ARHGAP18: variants seen among roughly 807,000 people sequenced by gnomAD.
ARHGAP18 encodes Rho GTPase activating protein 18, also known as rho GTPase-activating protein 18.
A neutral mutation model predicts 86.2 loss-of-function variants in ARHGAP18; 67 were observed. That is an observed-to-expected ratio of 0.78 (90% CI 0.64 to 0.95). ARHGAP18 has a LOEUF of 0.95. Among genes scored for constraint, ARHGAP18 ranks in the 40% least tolerant of loss-of-function variants. The pLI is 0.00. For missense variants in ARHGAP18, 691 were observed against 780.4 expected (o/e 0.89, Z 1.37); for synonymous variants, 283 against 280.4 (o/e 1.01, Z -0.09).
chr6:129,591,381 T>C (rs1384560957), intron 12 of ARHGAP18, among the ~76,000 whole-genome samples: 1 of 152,112 alleles, frequency 6.6e-6, no homozygotes, highest in African/African-American at 2.4e-5. Context: ...ACTGCAGTTA[T>C]GTGAGGTACA....
chr6:129,599,874 T>C (rs1282689057), intron 11 of ARHGAP18, among the ~76,000 whole-genome samples: 1 of 152,114 alleles, frequency 6.6e-6, no homozygotes, highest in Non-Finnish European at 1.5e-5. Context: ...AAACAAAATA[T>C]TTTAAGGTAT....
chr6:129,580,476 C>T (rs1788265327), intron 13 of ARHGAP18, among the ~76,000 whole-genome samples: 1 of 152,170 alleles, frequency 6.6e-6, no homozygotes, highest in Admixed American at 6.5e-5. Context: ...AAATGGTCCT[C>T]ATAAAACTAT....
At chr6:129,612,570 A>C (rs1448073577) in intron 7 of ARHGAP18, among the ~76,000 whole-genome samples, 1 of 152,198 alleles carries the variant, frequency 6.6e-6, no homozygotes, top group Non-Finnish European at 1.5e-5. Context: ...GAATGTAAAA[A>C]AAAAAATTTT....
chr6:129,592,112 T>C (rs1339799589), intron 12 of ARHGAP18, among the ~76,000 whole-genome samples: 5 of 152,224 alleles, frequency 3.3e-5, no homozygotes, highest in African/African-American at 1.2e-4. Context: ...TTTTTTTTAA[T>C]GTGGTATTTT....
intron 1 of ARHGAP18, among the ~76,000 whole-genome samples, chr6:129,649,077 C>G (rs1403929402): frequency 2.0e-5 from 3 of 152,216 alleles, no homozygotes; most frequent in Non-Finnish European, 4.4e-5. Context: ...CCCACACACA[C>G]CCATGCAACC....
At position 129,607,875 on chromosome 6, in the gene ARHGAP18, A is replaced by C; in HGVS notation, c.1282+18T>G. On this transcript the variant is annotated intron_variant, in intron 9 of 14. Coordinates refer to ENST00000368149, the MANE Select transcript of ARHGAP18 (RefSeq NM_033515.3). ...TGGCACCAGCAGAAGGACTGCTTCA[A>C]AGAGGGATAGCACTTACTCTGGACA... 1 of 1,567,956 alleles carries C rather than the reference A, an allele frequency of 6.4e-7. No individual in the cohort carries two copies. Among genetic ancestry groups the C allele is most frequent in the Non-Finnish European group, 8.6e-7 (1 of 1,162,090 alleles).
At chr6:129,640,801 A>T (rs896647513) in intron 2 of ARHGAP18, among the ~76,000 whole-genome samples, 7 of 152,216 alleles carry the variant, frequency 4.6e-5, no homozygotes, top group African/African-American at 1.7e-4. Flanking sequence ...TGGCATTTAT[A>T]CATCAACTTA....
chr6:129,621,167 C>T (rs1358407586), intron 5 of ARHGAP18, among the ~76,000 whole-genome samples: 1 of 152,068 alleles, frequency 6.6e-6, no homozygotes, highest in Non-Finnish European at 1.5e-5. Flanking sequence ...CCCACATAAA[C>T]AGAAGGTTTT....
chr6:129,633,112 A>C (rs1319611766), intron 4 of ARHGAP18, among the ~76,000 whole-genome samples: 1 of 152,180 alleles, frequency 6.6e-6, no homozygotes, highest in African/African-American at 2.4e-5. Context: ...ATTCTCTCTT[A>C]GTAAGTACTA....
chr6:129,621,955 T>C (rs978948728), intron 5 of ARHGAP18, among the ~76,000 whole-genome samples: 2 of 152,206 alleles, frequency 1.3e-5, no homozygotes, highest in African/African-American at 2.4e-5. Context: ...CATTCTGTTC[T>C]ACTCCATTTT....
intron 8 of ARHGAP18, among the ~76,000 whole-genome samples, chr6:129,608,608 C>A (rs1404215648): frequency 6.6e-6 from 1 of 152,188 alleles, no homozygotes; most frequent in Admixed American, 6.5e-5. Flanking sequence ...AGCCATCCTG[C>A]TGCCAGCTGC....
intron 1 of ARHGAP18, among the ~76,000 whole-genome samples, chr6:129,666,880 T>G (rs929525517): frequency 3.7e-5 from 4 of 108,774 alleles, no homozygotes; most frequent in Non-Finnish European, 5.6e-5. Context: ...CTGTACCTGT[T>G]AAAAGCTATT....
chr6:129,622,958 G>A (rs528233638), intron 5 of ARHGAP18, among the ~76,000 whole-genome samples: 3 of 133,496 alleles, frequency 2.2e-5, no homozygotes, highest in East Asian at 2.2e-4. Flanking sequence ...CCGAGATCGC[G>A]CCATTGCACT....
chr6:129,618,961 A>G, intron 5 of ARHGAP18, 109 bp from the exon 6 acceptor site: 1 of 973,112 alleles, frequency 1.0e-6, no homozygotes, highest in East Asian at 2.6e-5. Context: ...AATAAGTGAT[A>G]AGAAAAGCCA....
At chr6:129,588,358 C>A (rs1031474827) in intron 12 of ARHGAP18, among the ~76,000 whole-genome samples, 6 of 152,182 alleles carry the variant, frequency 3.9e-5, no homozygotes, top group African/African-American at 1.4e-4. Flanking sequence ...TCAAGTGATC[C>A]ACCCGCCTTG....
intron 1 of ARHGAP18, among the ~76,000 whole-genome samples, chr6:129,694,599 A>G (rs188009088): frequency 1.3e-5 from 2 of 152,356 alleles, no homozygotes; most frequent in Admixed American, 1.3e-4. Flanking sequence ...TAAAGAAACT[A>G]TCATGTTGGA....
chr6:129,679,197 G>A (rs1740156064), intron 1 of ARHGAP18, among the ~76,000 whole-genome samples: 1 of 152,028 alleles, frequency 6.6e-6, no homozygotes, highest in South Asian at 2.1e-4. Flanking sequence ...GTCCTAATTT[G>A]CCACTTTCTC....
At chr6:129,651,375 G>A (rs553446543) in intron 1 of ARHGAP18, among the ~76,000 whole-genome samples, 18 of 152,134 alleles carry the variant, frequency 1.2e-4, no homozygotes, top group African/African-American at 2.2e-4. Context: ...AACAAGTTTC[G>A]GCTCAGAGTT....
chr6:129,618,177 A>G (rs1285742831), intron 6 of ARHGAP18, among the ~76,000 whole-genome samples: 2 of 152,102 alleles, frequency 1.3e-5, no homozygotes, highest in Non-Finnish European at 2.9e-5. Flanking sequence ...TTTTGTCACA[A>G]TGGTGGTATT....
Sources: gnomAD v4.1 joint callset for allele counts (sites outside exome capture counted in the v4.1 genomes callset) on GRCh38, gnomAD v4.1.1 for gene constraint, MANE v1.5 for transcripts, NCBI Gene and HGNC (gene_info 2026-07-23, HGNC 2026-07-21) for gene names.